The following CSMD1 variants were observed in gnomAD, a reference collection of about 807,000 sequenced individuals.
The protein encoded by CSMD1 is CUB and sushi domain-containing protein 1.
CSMD1 carries 213 observed loss-of-function variants against 417.5 expected under a neutral mutation model. The ratio of observed to expected loss-of-function variants is 0.51; its 90% confidence interval spans 0.46 to 0.57. The LOEUF is 0.57. Among genes scored for constraint, CSMD1 ranks in the 20% least tolerant of loss-of-function variants. The pLI, the probability that CSMD1 is intolerant of heterozygous loss-of-function variation, is 0.00. For synonymous variants in CSMD1, 2,862 were observed against 1,736.8 expected (o/e 1.65, Z -16.11); for missense variants, 6,923 against 4,529.7 (o/e 1.53, Z -15.17).
At chr8:3,229,570 A>G (rs1275414808) in intron 27 of CSMD1, among the ~76,000 whole-genome samples, 1 of 152,204 alleles carries the variant, frequency 6.6e-6, no homozygotes, top group African/African-American at 2.4e-5. Flanking sequence ...TCTTCATTTT[A>G]ACACAAACAG....
chr8:3,757,944 T>A (rs1022749240), intron 5 of CSMD1, among the ~76,000 whole-genome samples: 12 of 151,966 alleles, frequency 7.9e-5, no homozygotes, highest in African/African-American at 2.7e-4. Flanking sequence ...AATTCAGGTT[T>A]AAAAAAAATG....
chr8:3,091,289 CAGTT>C (rs1340274006), intron 48 of CSMD1, among the ~76,000 whole-genome samples: 1 of 151,944 alleles, frequency 6.6e-6, no homozygotes, highest in Non-Finnish European at 1.5e-5. Flanking sequence ...TGAATTTCAG[CAGTT>C]TATAATTTTA....
chr8:3,595,080 C>G (rs912934454), intron 8 of CSMD1, among the ~76,000 whole-genome samples: 1 of 152,160 alleles, frequency 6.6e-6, no homozygotes, highest in Non-Finnish European at 1.5e-5. Context: ...AAAATAAATG[C>G]TTTAGGTATC....
intron 8 of CSMD1, among the ~76,000 whole-genome samples, chr8:3,602,692 A>C (rs1801420475): frequency 6.6e-6 from 1 of 150,486 alleles, no homozygotes; most frequent in Non-Finnish European, 1.5e-5. Flanking sequence ...CTCCTATTTC[A>C]ACCCATTCTT....
rs185312146 is a variant in CSMD1, at chr8:4,454,640, G to C, written c.303-34575C>G. Among the ~76,000 whole-genome samples the C allele has an allele frequency of 7.2e-5, 11 of 152,280 alleles. No individual in the cohort carries two copies. The South Asian group carries it at 1.5e-3, about 20-fold the overall frequency. ...AGAAGGAAGCTGATAAAGAGACTAA[G>C]GCTTCAGTGCAGCCTTCCAGGTCCT... On this transcript the variant is annotated intron_variant, in intron 2 of 69. Transcript: ENST00000635120.
chr8:4,195,868 G>C (rs902798198), intron 3 of CSMD1, among the ~76,000 whole-genome samples: 2 of 152,096 alleles, frequency 1.3e-5, no homozygotes, highest in Non-Finnish European at 2.9e-5. Context: ...TAGCATGCGA[G>C]ACTTACGGCA....
At chr8:4,054,376 G>A (rs987733142) in intron 3 of CSMD1, among the ~76,000 whole-genome samples, 3 of 152,084 alleles carry the variant, frequency 2.0e-5, no homozygotes, top group African/African-American at 7.2e-5. Context: ...ATCCCATATA[G>A]GGGATGGCCG....
chr8:3,245,734 C>G (rs1055034787), intron 26 of CSMD1, among the ~76,000 whole-genome samples: 1 of 152,184 alleles, frequency 6.6e-6, no homozygotes, highest in Admixed American at 6.5e-5. Flanking sequence ...ATGATCACCC[C>G]AATTTCTGGG....
At chr8:4,851,462 T>A (rs1217528590) in intron 1 of CSMD1, among the ~76,000 whole-genome samples, 2 of 152,068 alleles carry the variant, frequency 1.3e-5, no homozygotes, top group African/African-American at 4.8e-5. Context: ...CAACCTCTAT[T>A]TTTTTTCTTT....
At chr8:4,890,739 T>A (rs752595086) in intron 1 of CSMD1, among the ~76,000 whole-genome samples, 6 of 152,136 alleles carry the variant, frequency 3.9e-5, no homozygotes, top group Non-Finnish European at 7.3e-5. Context: ...AATTGCGGTG[T>A]TTGCAATTGA....
At chr8:3,758,530 C>G (rs1245953430) in intron 5 of CSMD1, among the ~76,000 whole-genome samples, 1 of 152,184 alleles carries the variant, frequency 6.6e-6, no homozygotes, top group Non-Finnish European at 1.5e-5. Flanking sequence ...AATCTTATAG[C>G]TCTCATCTGA....
At chr8:4,549,935 T>C (rs1797797232) in intron 2 of CSMD1, among the ~76,000 whole-genome samples, 1 of 144,800 alleles carries the variant, frequency 6.9e-6, no homozygotes, top group Non-Finnish European at 1.5e-5. Context: ...AGAAAAGACA[T>C]TACTTAGGTG....
chr8:3,334,813 A>C (rs1310889560), intron 23 of CSMD1, among the ~76,000 whole-genome samples: 1 of 151,870 alleles, frequency 6.6e-6, no homozygotes, highest in Non-Finnish European at 1.5e-5. Flanking sequence ...ATGTTCTTTA[A>C]ACTGAGTATG....
chr8:4,292,407 C>G (rs763765058), intron 3 of CSMD1, among the ~76,000 whole-genome samples: 1 of 152,040 alleles, frequency 6.6e-6, no homozygotes, highest in Non-Finnish European at 1.5e-5. Flanking sequence ...TGCCCGCCAC[C>G]ACGCCCGGCT....
chr8:4,511,833 T>C (rs1053524201), intron 2 of CSMD1, among the ~76,000 whole-genome samples: 1 of 152,142 alleles, frequency 6.6e-6, no homozygotes, highest in Non-Finnish European at 1.5e-5. Context: ...TTCCTGGAGC[T>C]TCACTAGGTT....
At chr8:4,553,026 C>T (rs919470910) in intron 2 of CSMD1, among the ~76,000 whole-genome samples, 1 of 152,210 alleles carries the variant, frequency 6.6e-6, no homozygotes, top group Non-Finnish European at 1.5e-5. Context: ...GAACATGAAG[C>T]ACGTTAATAA....
At chr8:3,512,605 T>C (rs561543730) in intron 10 of CSMD1, among the ~76,000 whole-genome samples, 40 of 149,502 alleles carry the variant, frequency 2.7e-4, no homozygotes, top group South Asian at 8.5e-4. Context: ...TTTTTCTTTT[T>C]TTTTTTTTTT....
At chr8:4,755,329 T>C (rs980934920) in intron 1 of CSMD1, among the ~76,000 whole-genome samples, 6 of 152,218 alleles carry the variant, frequency 3.9e-5, no homozygotes, top group Middle Eastern at 3.2e-3. Flanking sequence ...ATGTTCACTT[T>C]TCCTTTTGGG....
intron 5 of CSMD1, among the ~76,000 whole-genome samples, chr8:3,896,843 T>C (rs1807404589): frequency 6.6e-6 from 1 of 151,998 alleles, no homozygotes; most frequent in Non-Finnish European, 1.5e-5. Context: ...CAAAAATAAA[T>C]GTCAGGAAAA....
Sources: allele counts gnomAD v4.1 joint callset (sites outside exome capture counted in the v4.1 genomes callset), GRCh38; gene constraint gnomAD v4.1.1; transcripts MANE v1.5; gene names NCBI Gene and HGNC (gene_info 2026-07-23, HGNC 2026-07-21).